XPR1: variants seen among roughly 807,000 people sequenced by gnomAD.
The protein encoded by XPR1 is solute carrier family 53 member 1.
A neutral mutation model predicts 87.5 loss-of-function variants in XPR1; 28 were observed. The observed-to-expected ratio is 0.32, with a 90% confidence interval of 0.24 to 0.44. XPR1 has a LOEUF of 0.44. Ranked by LOEUF, XPR1 falls within the 20% of genes least tolerant of loss-of-function variation. The pLI is 1.00. For missense variants in XPR1, 559 were observed against 862.3 expected, an observed-to-expected ratio of 0.65 and a Z score of 4.41; for synonymous variants, 300 against 306.1, an observed-to-expected ratio of 0.98 and a Z score of 0.21.
At chr1:180,850,100 GA>G (rs1391368186) in intron 11 of XPR1, among the ~76,000 whole-genome samples, 1 of 152,124 alleles carries the variant, frequency 6.6e-6, no homozygotes, top group Non-Finnish European at 1.5e-5. Flanking sequence ...CAGAAGTACT[GA>G]CTTTGATTTT....
chr1:180,637,566 T>C (rs1654825812), intron 1 of XPR1, among the ~76,000 whole-genome samples: 1 of 152,164 alleles, frequency 6.6e-6, no homozygotes, highest in Non-Finnish European at 1.5e-5. Flanking sequence ...CTTTTTTCTT[T>C]TTCCTGAGAC....
At chr1:180,673,466 AC>A (rs1165496527) in intron 1 of XPR1, among the ~76,000 whole-genome samples, 7 of 152,196 alleles carry the variant, frequency 4.6e-5, no homozygotes, top group African/African-American at 1.7e-4. Context: ...TAAAGTAGGA[AC>A]ATATTTTATA....
intron 2 of XPR1, among the ~76,000 whole-genome samples, chr1:180,706,155 C>A (rs1047573434): frequency 1.3e-5 from 2 of 152,108 alleles, no homozygotes; most frequent in Non-Finnish European, 2.9e-5. Context: ...AAAAGTTGGA[C>A]TTTATTTGGT....
chr1:180,633,904 G>T (rs1654680374), intron 1 of XPR1, among the ~76,000 whole-genome samples: 1 of 152,198 alleles, frequency 6.6e-6, no homozygotes. Flanking sequence ...TCTTATATTT[G>T]TTATGTAGCA....
chr1:180,637,920 A>G (rs1017809854), intron 1 of XPR1, among the ~76,000 whole-genome samples: 3 of 152,196 alleles, frequency 2.0e-5, no homozygotes, highest in African/African-American at 7.2e-5. Context: ...CTGTAAGTGT[A>G]TATATTATGA....
intron 1 of XPR1, among the ~76,000 whole-genome samples, chr1:180,677,423 T>A (rs1201241831): frequency 6.6e-6 from 1 of 152,048 alleles, no homozygotes; most frequent in Non-Finnish European, 1.5e-5. Flanking sequence ...TTGGTTGGGT[T>A]GGAGATAAAA....
chr1:180,856,174 T>C (rs938145209), intron 11 of XPR1, among the ~76,000 whole-genome samples: 8 of 152,142 alleles, frequency 5.3e-5, no homozygotes, highest in African/African-American at 1.9e-4. Flanking sequence ...ACAATAACTC[T>C]ATAGTAATTA....
chr1:180,810,580 GA>G (rs879324033), intron 6 of XPR1, among the ~76,000 whole-genome samples: 90 of 141,900 alleles, frequency 6.3e-4, no homozygotes, highest in Middle Eastern at 3.6e-3. Context: ...CCATGTCTCA[GA>G]AAAAAAAAAA....
chr1:180,842,247 C>T (rs775357699), intron 11 of XPR1, among the ~76,000 whole-genome samples: 3 of 152,084 alleles, frequency 2.0e-5, no homozygotes, highest in Non-Finnish European at 4.4e-5. Context: ...GCAAGAGTTA[C>T]CATAGCAACA....
At chr1:180,804,814 CCTTTG>C (rs1292364146) in intron 4 of XPR1, among the ~76,000 whole-genome samples, 3 of 151,804 alleles carry the variant, frequency 2.0e-5, no homozygotes, top group South Asian at 2.1e-4. Flanking sequence ...GTGATAAATT[CCTTTG>C]CTTTGAGATT....
intron 2 of XPR1, among the ~76,000 whole-genome samples, chr1:180,709,652 A>C (rs1341429871): frequency 6.6e-6 from 1 of 151,904 alleles, no homozygotes; most frequent in Non-Finnish European, 1.5e-5. Flanking sequence ...TCAATGTTTC[A>C]TTTTTTTTCC....
chr1:180,874,114 C>A, intron 13 of XPR1, 172 bp downstream of exon 13: 1 of 794,244 alleles, frequency 1.3e-6, no homozygotes, highest in Non-Finnish European at 1.9e-6. Context: ...AGGCTGATCT[C>A]GAACTCTTGA....
intron 2 of XPR1, among the ~76,000 whole-genome samples, chr1:180,744,549 A>G (rs1659017301): frequency 6.7e-6 from 1 of 149,854 alleles, no homozygotes; most frequent in Admixed American, 6.6e-5. Flanking sequence ...GTAATTTTAG[A>G]TTGTATCTTG....
intron 2 of XPR1, among the ~76,000 whole-genome samples, chr1:180,691,311 G>T (rs2027354): frequency 0.31 from 47,459 of 151,830 alleles, 8,153 homozygotes; most frequent in Non-Finnish European, 0.38. Flanking sequence ...TATGTGAGTT[G>T]TTAGAGGATT....
intron 7 of XPR1, among the ~76,000 whole-genome samples, chr1:180,816,380 C>T (rs1650412284): frequency 6.6e-6 from 1 of 152,154 alleles, no homozygotes; most frequent in Non-Finnish European, 1.5e-5. Context: ...TCTCACCAGC[C>T]GCTCACCTCC....
intron 12 of XPR1, among the ~76,000 whole-genome samples, chr1:180,872,735 G>A (rs1482487191): frequency 1.4e-5 from 2 of 147,910 alleles, no homozygotes; most frequent in South Asian, 2.2e-4. Context: ...CTAGTGAGAT[G>A]AACCCGGTAC....
At chr1:180,842,888 G>A (rs906414078) in intron 11 of XPR1, among the ~76,000 whole-genome samples, 1 of 152,048 alleles carries the variant, frequency 6.6e-6, no homozygotes, top group African/African-American at 2.4e-5. Flanking sequence ...CTTTTTGTTA[G>A]TGTTTGCTAA....
intron 11 of XPR1, among the ~76,000 whole-genome samples, chr1:180,842,161 G>C (rs1415217508): frequency 6.6e-6 from 1 of 152,204 alleles, no homozygotes; most frequent in Non-Finnish European, 1.5e-5. Flanking sequence ...ATAAATTTTA[G>C]AGGGGCAAGG....
intron 2 of XPR1, among the ~76,000 whole-genome samples, chr1:180,730,532 A>G (rs544008362): frequency 8.1e-4 from 124 of 152,276 alleles, no homozygotes; most frequent in Non-Finnish European, 1.4e-3. Flanking sequence ...TTTTCCCCCT[A>G]TATTCCATAC....
Sources: gnomAD v4.1 joint callset for allele counts (sites outside exome capture counted in the v4.1 genomes callset) on GRCh38, gnomAD v4.1.1 for gene constraint, MANE v1.5 for transcripts, NCBI Gene and HGNC (gene_info 2026-07-23, HGNC 2026-07-21) for gene names.